The following OSBPL3 variants were observed in gnomAD, a reference collection of about 807,000 sequenced individuals.
OSBPL3 encodes oxysterol binding protein like 3.
Under a neutral mutation model 120.1 loss-of-function variants are expected in OSBPL3, and 65 were observed. The observed-to-expected ratio is 0.54, with a 90% CI of 0.44 to 0.67. OSBPL3 has a LOEUF of 0.67. Among genes scored for constraint, OSBPL3 ranks in the 30% least tolerant of loss-of-function variants. The probability of loss-of-function intolerance (pLI) is 0.00; values close to 1 mark genes in which losing one functional copy is unlikely to be tolerated. For missense variants in OSBPL3, 1,004 were observed against 1,082.1 expected, an observed-to-expected ratio of 0.93 and a Z score of 1.01; for synonymous variants, 416 against 402.6, an observed-to-expected ratio of 1.03 and a Z score of -0.40.
In OSBPL3 at chr7:24,937,189, C is replaced by T. The variant is rs565230626; in HGVS notation, c.-150+42697G>A. 4.4e-4 allele frequency among the ~76,000 whole-genome samples: 67 copies of T among 152,202 alleles called. No homozygotes were observed. The highest frequency in any genetic ancestry group is 1.5e-3 in the African/African-American group (61 of 41,538). Reference sequence around the variant, plus strand: ...GGAAAAGGCCCTTATATTATAAAACCATCAGATGTAGTGAGAACTAACTTA... The same window carrying T: ...GGAAAAGGCCCTTATATTATAAAACTATCAGATGTAGTGAGAACTAACTTA... On this transcript the variant is annotated intron_variant, in intron 1 of 22. Transcript: ENST00000313367. This position sits in a 1 kb window ranked among gnomAD's most constrained non-coding sequence, Gnocchi z 4.0.
chr7:24,935,241 G>A (rs76425501), intron 1 of OSBPL3, among the ~76,000 whole-genome samples: 3,269 of 152,122 alleles, frequency 0.021, 56 homozygotes, highest in Middle Eastern at 0.054. Flanking sequence ...CCTTCACTCA[G>A]CACCCACCAA....
At chr7:24,974,479 A>G (rs528949857) in intron 1 of OSBPL3, among the ~76,000 whole-genome samples, 1 of 152,336 alleles carries the variant, frequency 6.6e-6, no homozygotes, top group East Asian at 1.9e-4. Context: ...TTTATTACGC[A>G]TCTATCTTGT....
chr7:24,832,052 A>G (rs535658081), intron 15 of OSBPL3, among the ~76,000 whole-genome samples: 4 of 151,958 alleles, frequency 2.6e-5, no homozygotes, highest in African/African-American at 7.3e-5. Flanking sequence ...AAAAAATACA[A>G]AAGACATAGC....
chr7:24,928,341 G>A (rs997426682), intron 1 of OSBPL3, among the ~76,000 whole-genome samples: 80 of 151,896 alleles, frequency 5.3e-4, no homozygotes, highest in African/African-American at 2.9e-4. Context: ...ATAGGCGCCC[G>A]CCACCACACC....
chr7:24,874,656 C>CA (rs1554384163), intron 2 of OSBPL3, among the ~76,000 whole-genome samples: 1 of 151,372 alleles, frequency 6.6e-6, no homozygotes, highest in Non-Finnish European at 1.5e-5. Flanking sequence ...CATAAATAAA[C>CA]AAAAAAAGGA....
At chr7:24,954,333 C>G (rs575786629) in intron 1 of OSBPL3, among the ~76,000 whole-genome samples, 1 of 152,288 alleles carries the variant, frequency 6.6e-6, no homozygotes, top group South Asian at 2.1e-4. Context: ...ATGTCAAAAT[C>G]TTTCAGTCCC....
At chr7:24,981,206 C>T (rs1376617295), upstream of OSBPL3, among the ~76,000 whole-genome samples, 2 of 152,152 alleles carry the variant, frequency 1.3e-5, no homozygotes, top group Non-Finnish European at 2.9e-5. This position sits in a 1 kb window ranked among gnomAD's most constrained non-coding sequence, Gnocchi z 7.3. Flanking sequence ...AGAGGAGGGC[C>T]AAGTCCACTT....
In OSBPL3 at chr7:24,918,877, G is replaced by C. The variant is rs961162390; in HGVS notation, c.-149-26256C>G. 6.6e-6 allele frequency among the ~76,000 whole-genome samples: 1 copy of C among 152,170 alleles called. No individual in the cohort carries two copies. The highest frequency in any genetic ancestry group is 2.4e-5 in the African/African-American group (1 of 41,442). Reference sequence around the variant, plus strand: ...AGAAAGCTTCTGCATCCATGAGAAGGGGATAGAAAAGGCAACAGACATAAA... The same window carrying C: ...AGAAAGCTTCTGCATCCATGAGAAGCGGATAGAAAAGGCAACAGACATAAA... On this transcript the variant is annotated intron_variant, in intron 1 of 22. Coordinates refer to ENST00000313367, the MANE Select transcript of OSBPL3 (RefSeq NM_015550.4). The surrounding 1 kb of genome is among the most constrained non-coding windows in gnomAD (Gnocchi z 4.3).
At chr7:24,816,755 T>G in intron 17 of OSBPL3, 67 bp from the exon 18 acceptor site, 1 of 991,432 alleles carries the variant, frequency 1.0e-6, no homozygotes, top group East Asian at 2.4e-5. Flanking sequence ...GTTCCTAGGC[T>G]AGATAAATGA....
chr7:24,875,651 C>T (rs1409330189), intron 2 of OSBPL3, among the ~76,000 whole-genome samples: 2 of 152,010 alleles, frequency 1.3e-5, no homozygotes, highest in Non-Finnish European at 2.9e-5. Flanking sequence ...TGTAAGGCTA[C>T]AGAGTGCTAT....
Position 24,916,967 on chromosome 7 carries a change from A to G in OSBPL3, c.-149-24346T>C, listed in dbSNP as rs1056726959. ...TTAAATAAATAACTCCTATTTGATG[A>G]CTTAGAAGAAGGAAGGAAGGATGGG... is the stretch of plus-strand genomic sequence containing the variant. On this transcript the variant is annotated intron_variant, in intron 1 of 22. Coordinates refer to ENST00000313367, the MANE Select transcript of OSBPL3 (RefSeq NM_015550.4). The surrounding 1 kb of genome is among the most constrained non-coding windows in gnomAD (Gnocchi z 4.9). Among the ~76,000 whole-genome samples the G allele has an allele frequency of 4.0e-5, 6 of 150,788 alleles. No homozygotes were observed. Among genetic ancestry groups the G allele is most frequent in the Non-Finnish European group, 8.9e-5 (6 of 67,670 alleles).
At chr7:24,840,804 C>T (rs1797646628) in intron 13 of OSBPL3, 21 bp from the exon 14 acceptor site, 3 of 1,096,426 alleles carry the variant, frequency 2.7e-6, no homozygotes, top group Non-Finnish European at 4.0e-6. Context: ...GAAGAAATAA[C>T]ATTCATTAGA....
chr7:24,836,842 TAA>T (rs1797057747), intron 14 of OSBPL3, among the ~76,000 whole-genome samples: 15 of 152,188 alleles, frequency 9.9e-5, no homozygotes, highest in African/African-American at 3.6e-4. Context: ...TTTTTAAAAT[TAA>T]TTTTTTTTGA....
chr7:24,889,494 C>T (rs940944171), intron 2 of OSBPL3, among the ~76,000 whole-genome samples: 1 of 152,058 alleles, frequency 6.6e-6, no homozygotes, highest in Admixed American at 6.6e-5. Context: ...GGTATATTAG[C>T]TTGATAATGG....
At chr7:24,956,269 C>T (rs1257968241) in intron 1 of OSBPL3, among the ~76,000 whole-genome samples, 1 of 152,260 alleles carries the variant, frequency 6.6e-6, no homozygotes. Context: ...CTCAAAGGTG[C>T]CAACTGGCTC....
intron 10 of OSBPL3, among the ~76,000 whole-genome samples, chr7:24,853,813 G>A (rs566643121): frequency 6.6e-6 from 1 of 152,308 alleles, no homozygotes; most frequent in African/African-American, 2.4e-5. Flanking sequence ...CGAAGTATTT[G>A]GGTAAAGGGT....
chr7:24,913,904 AC>A lies in OSBPL3; in HGVS notation c.-149-21284del. On this transcript the variant is annotated intron_variant, in intron 1 of 22. Transcript: ENST00000313367. This position sits in a 1 kb window ranked among gnomAD's most constrained non-coding sequence, Gnocchi z 5.3. ...AGAGCTAAAGTAAAGTAAAAGTTCTACATATATGCATTGAAACTTTCCTAAG... is the reference window on the plus strand; with the variant it reads ...AGAGCTAAAGTAAAGTAAAAGTTCTAATATATGCATTGAAACTTTCCTAAG... Among the ~76,000 whole-genome samples the A allele has an allele frequency of 6.6e-6, 1 of 152,360 alleles. No individual in the cohort carries two copies. The highest frequency in any genetic ancestry group is 2.1e-4 in the South Asian group (1 of 4,822).
At position 24,872,245 on chromosome 7, in the gene OSBPL3, C is replaced by T. The variant is rs1029012780; in HGVS notation, c.97-176G>A. ...GTCCCTGGGCTTCACAGATTTAATT[C>T]TATAATTTAGTGGCATCAAATTTTG... On this transcript the variant is annotated intron_variant, in intron 2 of 22. Coordinates refer to ENST00000313367, the MANE Select transcript of OSBPL3 (RefSeq NM_015550.4). The surrounding 1 kb of genome is among the most constrained non-coding windows in gnomAD (Gnocchi z 4.1). Among the ~76,000 whole-genome samples, 6 of 151,770 alleles carry T rather than the reference C, an allele frequency of 4.0e-5. No homozygotes were observed. Among genetic ancestry groups the T allele is most frequent in the African/African-American group, 1.5e-4 (6 of 41,284 alleles).
intron 10 of OSBPL3, among the ~76,000 whole-genome samples, chr7:24,859,113 A>G (rs1800184915): frequency 6.6e-6 from 1 of 152,222 alleles, no homozygotes; most frequent in South Asian, 2.1e-4. Context: ...CATTCCAGGT[A>G]GCAATCTGTA....
Sources: gnomAD v4.1 joint callset for allele counts (sites outside exome capture counted in the v4.1 genomes callset) on GRCh38, gnomAD v4.1.1 for gene constraint, Gnocchi (gnomAD v3.1) non-coding constraint, MANE v1.5 for transcripts, NCBI Gene and HGNC (gene_info 2026-07-23, HGNC 2026-07-21) for gene names.